Variants in NIPA2 observed in about 807,000 individuals in gnomAD.
The protein encoded by NIPA2 is NIPA magnesium transporter 2, also known as magnesium transporter NIPA2.
Under a neutral mutation model 29.7 loss-of-function variants are expected in NIPA2, and 11 were observed. The observed-to-expected ratio is 0.37, with a 90% CI of 0.23 to 0.61. NIPA2 has a LOEUF of 0.61. Among genes scored for constraint, NIPA2 ranks in the 20% least tolerant of loss-of-function variants. The pLI, the probability that NIPA2 is intolerant of heterozygous loss-of-function variation, is 0.66. For missense variants in NIPA2, 426 were observed against 437.9 expected (o/e 0.97, Z 0.24); for synonymous variants, 183 against 161.9 (o/e 1.13, Z -0.99).
chr15:22,857,409 G>A (rs1330526527), intron 5 of NIPA2, among the ~76,000 whole-genome samples: 1 of 148,816 alleles, frequency 6.7e-6, no homozygotes, highest in Non-Finnish European at 1.5e-5. Flanking sequence ...CCATTGCAGT[G>A]CAGACTGGGC....
intron 3 of NIPA2, among the ~76,000 whole-genome samples, chr15:22,849,607 T>C (rs2057565366): frequency 6.6e-6 from 1 of 151,712 alleles, no homozygotes; most frequent in Non-Finnish European, 1.5e-5. Context: ...TCGCCCAGGC[T>C]GGAGTGCAGT....
chr15:22,863,182 G>T (rs2058740952), intron 7 of NIPA2, among the ~76,000 whole-genome samples: 1 of 151,650 alleles, frequency 6.6e-6, no homozygotes, highest in African/African-American at 2.4e-5. Context: ...GGGTTCAAGT[G>T]ATTCTCCTGC....
intron 2 of NIPA2, among the ~76,000 whole-genome samples, chr15:22,844,702 G>A (rs1898128566): frequency 6.6e-6 from 1 of 151,946 alleles, no homozygotes; most frequent in South Asian, 2.1e-4. Context: ...AGCAGTGAGC[G>A]ATGATCGCGC....
chr15:22,840,542 C>G (rs942076436), intron 2 of NIPA2, among the ~76,000 whole-genome samples: 4 of 151,980 alleles, frequency 2.6e-5, no homozygotes, highest in East Asian at 1.9e-4. Context: ...TCAGGTGATC[C>G]GCCCGCCTCG....
intron 3 of NIPA2, among the ~76,000 whole-genome samples, chr15:22,845,525 T>C (rs942023419): frequency 1.3e-5 from 2 of 152,212 alleles, no homozygotes; most frequent in Non-Finnish European, 2.9e-5. Flanking sequence ...GTAATTGTTT[T>C]TAAGGAACTT....
chr15:22,853,476 C>T (rs529589284), intron 5 of NIPA2, among the ~76,000 whole-genome samples: 48 of 150,958 alleles, frequency 3.2e-4, no homozygotes, highest in African/African-American at 9.0e-4. Context: ...TGGATTCAAG[C>T]GATTCTCCTG....
intron 7 of NIPA2, among the ~76,000 whole-genome samples, chr15:22,862,546 TC>T (rs960231800): frequency 6.6e-6 from 1 of 152,162 alleles, no homozygotes; most frequent in Non-Finnish European, 1.5e-5. Context: ...TGTTTTTTCT[TC>T]CAGCCCTTCT....
intron 2 of NIPA2, among the ~76,000 whole-genome samples, chr15:22,844,421 G>C (rs1279892219): frequency 1.3e-5 from 2 of 152,088 alleles, no homozygotes; most frequent in East Asian, 1.9e-4. Flanking sequence ...GGGTGTGGCA[G>C]TACACGTCTG....
Position 22,867,466 on chromosome 15 carries a change from AGCAT to A in NIPA2, c.*620_*623del. ...ATCACCGTGAATCCGGCTTCCTCTG[AGCAT>A]TCGATGGCCTTAGCACCTCATCAAG... On this transcript the variant is annotated 3_prime_UTR_variant, in exon 8 of 8. Transcript: ENST00000337451. 1 of 335,394 alleles carries A rather than the reference AGCAT, an allele frequency of 3.0e-6. No homozygotes were observed. Among genetic ancestry groups the A allele is most frequent in the Non-Finnish European group, 5.3e-6 (1 of 187,814 alleles). The allele number at this position is 335,394 out of a possible 1,614,324, so 20.8% of individuals were successfully genotyped here. A position where few individuals can be genotyped will look rare whatever the true frequency, so the allele number is the denominator to read the frequency against.
chr15:22,851,575 T>A, intron 3 of NIPA2, 64 bp from the exon 4 acceptor site: 1 of 441,044 alleles, frequency 2.3e-6, no homozygotes, highest in Non-Finnish European at 3.9e-6. Flanking sequence ...GAGTAAAATT[T>A]TGAATTGCAT....
chr15:22,860,638 T>A lies in NIPA2; in HGVS notation c.297T>A (p.Leu99=), dbSNP rs777985743. The part of the protein sequence containing the change: ...GALSVLVSAI[L]SSYFLNERLN... ...TTCCTCCCCATTTTAGTGCCATTCT[T>A]TCTTCATACTTTCTCAATGAAAGAC... The change falls in exon 7 of 8, where the codon CTT becomes CTA. Residue 99 remains leucine (L), a synonymous_variant. Transcript: ENST00000337451. 5.7e-6 allele frequency: 9 copies of A among 1,565,730 alleles called. No homozygotes were observed. Among genetic ancestry groups the A allele is most frequent in the Non-Finnish European group, 7.7e-6 (9 of 1,163,530 alleles).
chr15:22,862,561 T>C (rs1361483560), intron 7 of NIPA2, among the ~76,000 whole-genome samples: 3 of 152,112 alleles, frequency 2.0e-5, no homozygotes, highest in Non-Finnish European at 4.4e-5. Flanking sequence ...CCCTTCTGAG[T>C]TTTTATTTCT....
intron 2 of NIPA2, among the ~76,000 whole-genome samples, chr15:22,842,807 G>A (rs1445046549): frequency 6.6e-6 from 1 of 151,490 alleles, no homozygotes; most frequent in African/African-American, 2.4e-5. Flanking sequence ...CCAGCCTGGG[G>A]GATAGAGCGA....
At chr15:22,848,697 G>A (rs2057469386) in intron 3 of NIPA2, among the ~76,000 whole-genome samples, 1 of 151,714 alleles carries the variant, frequency 6.6e-6, no homozygotes. Context: ...ATGGCAGCAT[G>A]TGCCTGTAGT....
chr15:22,847,648 G>C (rs1899165917), intron 3 of NIPA2, among the ~76,000 whole-genome samples: 1 of 152,136 alleles, frequency 6.6e-6, no homozygotes, highest in East Asian at 1.9e-4. Flanking sequence ...ATTTTTAGTA[G>C]AGATGGGGTT....
At chr15:22,842,112 G>A (rs761609112) in intron 2 of NIPA2, among the ~76,000 whole-genome samples, 2 of 151,952 alleles carry the variant, frequency 1.3e-5, no homozygotes, top group South Asian at 2.1e-4. Flanking sequence ...TTATTATTTC[G>A]CCCTACCTCT....
rs1257234098 is a variant in NIPA2 at position 22,854,125 on chromosome 15, G to GTTAT, written c.196+860_196+861insTTTA. ...CAGGCGTGAGCCACCATGCCCAGCCGTTACTTATTTATTTATTTTTTGAGA... is the reference window on the plus strand; with the variant it reads ...CAGGCGTGAGCCACCATGCCCAGCCGTTATTTACTTATTTATTTATTTTTTGAGA... On this transcript the variant is annotated intron_variant, in intron 5 of 7. Transcript: ENST00000337451. Among the ~76,000 whole-genome samples, 12 of 147,668 alleles carry GTTAT rather than the reference G, an allele frequency of 8.1e-5. 1 individual carries two copies. The East Asian group carries it at 2.4e-3, about 30-fold the overall frequency.
Position 22,867,340 on chromosome 15 carries a change from T to A in NIPA2, c.*493T>A, listed in dbSNP as rs1048022997. 2.5e-6 allele frequency: 1 copy of A among 396,178 alleles called. No individual in the cohort carries two copies. Among genetic ancestry groups the A allele is most frequent in the Admixed American group, 4.4e-5 (1 of 22,654 alleles). 24.5% of individuals were successfully genotyped at this position (396,178 alleles called of 1,614,324 possible). ...TGATTGGTTTTATTTTTGAAATATTTATTAAGGGAAAACTAAGTTACTGAA... is the reference window on the plus strand; with the variant it reads ...TGATTGGTTTTATTTTTGAAATATTAATTAAGGGAAAACTAAGTTACTGAA... On this transcript the variant is annotated 3_prime_UTR_variant, in exon 8 of 8. Coordinates refer to ENST00000337451, the MANE Select transcript of NIPA2 (RefSeq NM_030922.7).
At chr15:22,858,326 G>A (rs1039375683) in intron 5 of NIPA2, among the ~76,000 whole-genome samples, 3 of 152,144 alleles carry the variant, frequency 2.0e-5, no homozygotes, top group Non-Finnish European at 1.5e-5. Context: ...CCCGGGAGGC[G>A]GAGCTCGCAG....
Sources: gnomAD v4.1 joint callset for allele counts (sites outside exome capture counted in the v4.1 genomes callset) on GRCh38, gnomAD v4.1.1 for gene constraint, MANE v1.5 for transcripts, NCBI Gene and HGNC (gene_info 2026-07-23, HGNC 2026-07-21) for gene names.